The following HIVEP1 variants were observed in gnomAD, a reference collection of about 807,000 sequenced individuals.
HIVEP1 encodes zinc finger protein 40.
A neutral mutation model predicts 180.0 loss-of-function variants in HIVEP1; 36 were observed. The observed-to-expected ratio is 0.20, with a 90% CI of 0.15 to 0.26. The LOEUF (loss-of-function observed/expected upper bound fraction) is 0.26. Among genes scored for constraint, HIVEP1 ranks in the 10% least tolerant of loss-of-function variants. The pLI is 1.00. For missense variants in HIVEP1, 3,143 were observed against 3,268.7 expected (o/e 0.96, Z 0.94); for synonymous variants, 1,239 against 1,239.0 (o/e 1.00, Z 0.00).
At chr6:12,102,460 A>G (rs145129162) in intron 3 of HIVEP1, among the ~76,000 whole-genome samples, 1 of 151,896 alleles carries the variant, frequency 6.6e-6, no homozygotes, top group East Asian at 1.9e-4. Context: ...AAATTCTTCC[A>G]GTCCCACATT....
chr6:12,166,958 A>T (rs1760721967), downstream of HIVEP1, among the ~76,000 whole-genome samples: 1 of 152,234 alleles, frequency 6.6e-6, no homozygotes, highest in Admixed American at 6.5e-5. Flanking sequence ...TTCTAGTTAA[A>T]GATTATTATA....
intron 2 of HIVEP1, among the ~76,000 whole-genome samples, chr6:12,017,379 G>A (rs1036197724): frequency 2.6e-5 from 4 of 152,214 alleles, no homozygotes; most frequent in South Asian, 4.1e-4. Flanking sequence ...TGGTAGGTTC[G>A]TGGTCTCGCT....
At chr6:12,009,373 C>T (rs1246927163), upstream of HIVEP1, among the ~76,000 whole-genome samples, 14 of 152,280 alleles carry the variant, frequency 9.2e-5, no homozygotes, top group South Asian at 4.1e-4. Flanking sequence ...GTGACACTAT[C>T]CTCCCTCGAA....
chr6:12,169,815 C>T (rs1343366856), downstream of HIVEP1, among the ~76,000 whole-genome samples: 3 of 152,000 alleles, frequency 2.0e-5, no homozygotes, highest in Admixed American at 6.6e-5. Context: ...CTCAGACATT[C>T]GATAATATTT....
At chr6:12,144,412 A>G (rs1019114099) in intron 7 of HIVEP1, among the ~76,000 whole-genome samples, 67 of 152,364 alleles carry the variant, frequency 4.4e-4, no homozygotes, top group African/African-American at 1.6e-3. Context: ...TGTTAGACCT[A>G]AAACCATAAA....
the HIVEP1 span, among the ~76,000 whole-genome samples, chr6:12,174,738 T>G: frequency 6.6e-6 from 1 of 152,214 alleles, no homozygotes; most frequent in Admixed American, 6.5e-5. Flanking sequence ...TCAGTTGAAA[T>G]AGATAACATA....
At chr6:12,130,102 G>C (rs1758336873) in intron 5 of HIVEP1, among the ~76,000 whole-genome samples, 1 of 152,162 alleles carries the variant, frequency 6.6e-6, no homozygotes, top group Non-Finnish European at 1.5e-5. Context: ...GGGAAATACT[G>C]TACAACCTTG....
chr6:12,046,876 T>TGTGTGTGTGTGTGTGTGTGTG (rs1561885761), intron 2 of HIVEP1, among the ~76,000 whole-genome samples: 12 of 150,916 alleles, frequency 8.0e-5, no homozygotes, highest in East Asian at 2.0e-4. Flanking sequence ...TGTGTGTGTG[T>TGTGTGTGTGTGTGTGTGTGTG]TTGAGATGGA....
intron 2 of HIVEP1, among the ~76,000 whole-genome samples, chr6:12,029,651 A>G (rs909760295): frequency 2.0e-5 from 3 of 152,074 alleles, no homozygotes; most frequent in African/African-American, 2.4e-5. Flanking sequence ...ATCACTGCCT[A>G]CTTGAGAGTA....
At chr6:12,152,764 C>T (rs911230884) in intron 7 of HIVEP1, among the ~76,000 whole-genome samples, 1 of 152,142 alleles carries the variant, frequency 6.6e-6, no homozygotes, top group African/African-American at 2.4e-5. Context: ...CTCCTACATC[C>T]TCTCCAAGCT....
At chr6:12,104,422 T>C (rs1300340976) in intron 3 of HIVEP1, among the ~76,000 whole-genome samples, 28 of 125,304 alleles carry the variant, frequency 2.2e-4, no homozygotes, top group East Asian at 1.7e-3. Context: ...CTCCTTTTCT[T>C]TCCTTTTTTT....
In HIVEP1 at chr6:12,135,786, T is replaced by C. The variant is rs79855269; in HGVS notation, c.6386-5T>C. On this transcript the variant is annotated splice_polypyrimidine_tract_variant and splice_region_variant and intron_variant, in intron 6 of 8. Transcript: ENST00000379388. ...TAAGCTTAGTAAACATTCTTTTCCC[T>C]TAAGGAAATCTGACAAAACACATGA... 678 of 1,593,026 alleles carry C rather than the reference T, an allele frequency of 4.3e-4. 4 individuals are homozygous for C. In the African/African-American group the frequency reaches 7.9e-3, roughly 19 times the overall value.
chr6:12,040,525 C>G (rs1339950656), intron 2 of HIVEP1, among the ~76,000 whole-genome samples: 3 of 152,096 alleles, frequency 2.0e-5, no homozygotes, highest in Non-Finnish European at 4.4e-5. Context: ...ACTGCAATGA[C>G]TGGGAAAAAC....
Position 12,122,943 on chromosome 6 carries a change from A to G in HIVEP1, c.3148A>G (p.Thr1050Ala), listed in dbSNP as rs940339495. 5.0e-6 allele frequency: 8 copies of G among 1,613,758 alleles called. No individual in the cohort carries two copies. The highest frequency in any genetic ancestry group is 5.9e-6 in the Non-Finnish European group (7 of 1,179,940). The change falls in exon 4 of 9, where the codon ACA becomes GCA. Residue 1050 changes from threonine to alanine, a missense_variant. By Grantham distance (58) the Thr-to-Ala change is moderately conservative. Coordinates refer to ENST00000379388, the MANE Select transcript of HIVEP1 (RefSeq NM_002114.4). ...DEELQQNESG[T>A]SPKSSEGLQF... is the part of the protein sequence containing the mutation. ...AGAACTTCAGCAAAATGAAAGTGGAACATCTCCAAAAAGTTCTGAAGGCCT... is the reference window on the plus strand; with the variant it reads ...AGAACTTCAGCAAAATGAAAGTGGAGCATCTCCAAAAAGTTCTGAAGGCCT...
chr6:12,197,672 TTATGAATTA>T, the HIVEP1 span, among the ~76,000 whole-genome samples: 1 of 152,140 alleles, frequency 6.6e-6, no homozygotes, highest in South Asian at 2.1e-4. Context: ...TTAGACTGTC[TTATGAATTA>T]TGTGGGAGCC....
At position 12,122,905 on chromosome 6, in the gene HIVEP1, T is replaced by C. The variant is rs549129642; in HGVS notation, c.3110T>C (p.Val1037Ala). ...QIRKRRKMKS[V>A]GDDEELQQNE... ...AGAAAAAGGAGGAAAATGAAAAGTGTTGGGGATGATGAAGAACTTCAGCAA... is the reference window on the plus strand; with the variant it reads ...AGAAAAAGGAGGAAAATGAAAAGTGCTGGGGATGATGAAGAACTTCAGCAA... Residue 1037 changes from valine (V) to alanine (A), a missense_variant, in exon 4 of 9, where the codon GTT (valine) becomes GCT (alanine). Physicochemically the swap from Val to Ala is moderately conservative, Grantham distance 64 (BLOSUM62 0). Around this residue, in one of 12 missense-constraint regions of HIVEP1, gnomAD observed 1,357 missense variants for 1,260.5 expected, o/e 1.08. Coordinates refer to ENST00000379388, the MANE Select transcript of HIVEP1 (RefSeq NM_002114.4). 6.2e-6 allele frequency: 10 copies of C among 1,614,032 alleles called. No individual in the cohort carries two copies. The Admixed American group carries it at 1.5e-4, about 24-fold the overall frequency.
At position 12,080,586 on chromosome 6, in the gene HIVEP1, A is replaced by G. The variant is rs1047053928; in HGVS notation, c.41-8598A>G. ...TTTCATGGTCTGTTTTGATATCAAG[A>G]TGGTTTTCATAAAGAAGAAACAACA... On this transcript the variant is annotated intron_variant, in intron 2 of 8. Coordinates refer to ENST00000379388, the MANE Select transcript of HIVEP1 (RefSeq NM_002114.4). Among the ~76,000 whole-genome samples the G allele has an allele frequency of 7.2e-5, 11 of 152,196 alleles. No homozygotes were observed. In the East Asian group the frequency reaches 1.7e-3, roughly 24 times the overall value.
At chr6:12,204,891 A>C in the HIVEP1 span, among the ~76,000 whole-genome samples, 20,369 of 152,182 alleles carry the variant, frequency 0.13, 2,526 homozygotes, top group African/African-American at 0.33. Flanking sequence ...GGAGGTAATC[A>C]ATAACATAAA....
At chr6:12,099,665 T>C (rs541893701) in intron 3 of HIVEP1, among the ~76,000 whole-genome samples, 1 of 152,294 alleles carries the variant, frequency 6.6e-6, no homozygotes, top group South Asian at 2.1e-4. Flanking sequence ...TATACAGTTT[T>C]GCCCACAGTC....
Sources: gnomAD v4.1 joint callset for allele counts (sites outside exome capture counted in the v4.1 genomes callset) on GRCh38, gnomAD v4.1.1 for gene constraint, gnomAD v4.1.1 regional missense constraint, MANE v1.5 for transcripts, NCBI Gene and HGNC (gene_info 2026-07-23, HGNC 2026-07-21) for gene names.